Variants in PAPPA observed in about 807,000 individuals in gnomAD.
PAPPA encodes pappalysin 1, also known as pappalysin-1.
PAPPA carries 60 observed loss-of-function variants against 164.0 expected under a neutral mutation model. The observed-to-expected ratio is 0.37, with a 90% confidence interval of 0.30 to 0.45. PAPPA has a LOEUF of 0.45. PAPPA is among the 20% of genes least tolerant of loss of function. PAPPA has a pLI of 1.00. For synonymous variants in PAPPA, 875 were observed against 814.1 expected (o/e 1.07, Z -1.27); for missense variants, 1,782 against 2,087.3 (o/e 0.85, Z 2.85).
intron 5 of PAPPA, among the ~76,000 whole-genome samples, chr9:116,220,970 G>T (rs113024067): frequency 7.6e-5 from 9 of 118,094 alleles, no homozygotes; most frequent in African/African-American, 2.6e-4. Context: ...TTATTTTGTA[G>T]AACTAAAGGT....
intron 17 of PAPPA, among the ~76,000 whole-genome samples, chr9:116,358,258 T>C (rs1316396680): frequency 6.6e-6 from 1 of 152,200 alleles, no homozygotes; most frequent in East Asian, 1.9e-4. Context: ...GTTCTTAAAC[T>C]ACGTCACTTT....
intron 1 of PAPPA, among the ~76,000 whole-genome samples, chr9:116,158,777 G>A (rs1003433928): frequency 1.3e-5 from 2 of 152,164 alleles, no homozygotes; most frequent in Admixed American, 6.5e-5. Context: ...AGCATGTTTT[G>A]CCTTCACAAC....
At chr9:116,241,175 T>C (rs1844730987) in intron 7 of PAPPA, among the ~76,000 whole-genome samples, 1 of 152,224 alleles carries the variant, frequency 6.6e-6, no homozygotes, top group Non-Finnish European at 1.5e-5. Context: ...GAAACTTTAG[T>C]GCATTCATTA....
At chr9:116,377,324 C>G (rs1195391384) in intron 19 of PAPPA, among the ~76,000 whole-genome samples, 1 of 152,182 alleles carries the variant, frequency 6.6e-6, no homozygotes. Context: ...CCCTCCAGTT[C>G]TGCTTCTCCT....
In PAPPA at chr9:116,401,072, A is replaced by T. The variant is rs557454799; in HGVS notation, c.*4456A>T. 1 of 152,762 alleles carries T rather than the reference A, an allele frequency of 6.5e-6. No homozygotes were observed. The highest frequency in any genetic ancestry group is 2.1e-4 in the South Asian group (1 of 4,830). 9.5% of individuals were successfully genotyped at this position (152,762 alleles called of 1,614,324 possible). A position where few individuals can be genotyped will look rare whatever the true frequency, so the allele number is the denominator to read the frequency against. On this transcript the variant is annotated 3_prime_UTR_variant, in exon 22 of 22. Transcript: ENST00000328252. ...GGCCCATCGGCCTTTTAGAAAGACA[A>T]GACAGGGAGTGCTTGTTTGATATTT...
chr9:116,275,139 C>A (rs1284721710), intron 9 of PAPPA, among the ~76,000 whole-genome samples: 1 of 152,176 alleles, frequency 6.6e-6, no homozygotes, highest in African/African-American at 2.4e-5. Flanking sequence ...ATTCTTTGAA[C>A]AAATTTTGCT....
intron 2 of PAPPA, among the ~76,000 whole-genome samples, chr9:116,192,902 C>T (rs1425037362): frequency 2.0e-5 from 3 of 152,164 alleles, no homozygotes; most frequent in African/African-American, 7.2e-5. Flanking sequence ...AAGACTGTAG[C>T]TACCTCACTG....
At chr9:116,389,949 T>C (rs1228078148) in intron 21 of PAPPA, among the ~76,000 whole-genome samples, 1 of 152,102 alleles carries the variant, frequency 6.6e-6, no homozygotes, top group Non-Finnish European at 1.5e-5. Flanking sequence ...AATGTGCTTC[T>C]TGTTTGTTTA....
In PAPPA at chr9:116,271,475, G is replaced by T. The variant is rs529575980; in HGVS notation, c.2953+59G>T. 1.7e-6 allele frequency: 2 copies of T among 1,211,596 alleles called. No homozygotes were observed. The highest frequency in any genetic ancestry group is 2.3e-5 in the East Asian group (1 of 42,986). 75.1% of individuals were successfully genotyped at this position (1,211,596 alleles called of 1,614,324 possible). ...AGAAATGAACGGTGCAGAATGGTTG[G>T]TCAATGATAATGCCAACAATAGTTA... is the stretch of plus-strand genomic sequence containing the variant. On this transcript the variant is annotated intron_variant, in intron 9 of 21. Coordinates refer to ENST00000328252, the MANE Select transcript of PAPPA (RefSeq NM_002581.5). This position sits in a 1 kb window ranked among gnomAD's most constrained non-coding sequence, Gnocchi z 4.2.
At chr9:116,211,403 C>G (rs1418961557) in intron 3 of PAPPA, among the ~76,000 whole-genome samples, 1 of 152,128 alleles carries the variant, frequency 6.6e-6, no homozygotes, top group Non-Finnish European at 1.5e-5. Flanking sequence ...TAAGCATTGG[C>G]GTTTTCATAT....
chr9:116,250,192 A>G lies in PAPPA; in HGVS notation c.2732+14555A>G, dbSNP rs543165480. On this transcript the variant is annotated intron_variant, in intron 7 of 21. Coordinates refer to ENST00000328252, the MANE Select transcript of PAPPA (RefSeq NM_002581.5). ...ATAGAACTAATACCTATAACGTTACAAGGCTCAGGCTTTGTTTTCTACCCA... is the reference window on the plus strand; with the variant it reads ...ATAGAACTAATACCTATAACGTTACGAGGCTCAGGCTTTGTTTTCTACCCA... Among the ~76,000 whole-genome samples, 24 of 152,240 alleles carry G rather than the reference A, an allele frequency of 1.6e-4. No homozygotes were observed. The South Asian group carries it at 4.8e-3, about 30-fold the overall frequency.
chr9:116,186,685 A>T (rs1340468327), intron 1 of PAPPA, among the ~76,000 whole-genome samples: 1 of 151,944 alleles, frequency 6.6e-6, no homozygotes, highest in African/African-American at 2.4e-5. Context: ...GTTCGTTATC[A>T]TCTCCCTCTG....
rs146485850 is a variant in PAPPA at position 116,155,388 on chromosome 9, T to C, written c.415+801T>C. ...AGTGAAATCGGACACTTTGCGAGGA[T>C]TGCAAACCTTAGAAATGCTCCAGCA... is the stretch of plus-strand genomic sequence containing the variant. On this transcript the variant is annotated intron_variant, in intron 1 of 21. Coordinates refer to ENST00000328252, the MANE Select transcript of PAPPA (RefSeq NM_002581.5). 5.3e-3 allele frequency among the ~76,000 whole-genome samples: 800 copies of C among 152,344 alleles called. 10 individuals are homozygous for C. The highest frequency in any genetic ancestry group is 0.018 in the African/African-American group (766 of 41,574).
rs1844310274 is a variant in PAPPA, at chr9:116,211,781, G to A, written c.1767G>A (p.Glu589=). The part of the protein sequence containing the change: ...EIQSCSDPCM[E]TEPSFETGDL... ...AGTCCTGCAGTGACCCCTGCATGGA[G>A]ACAGAGCCCTCCTTCGAGACTGGAG... is the stretch of plus-strand genomic sequence containing the variant. The change falls in exon 4 of 22, where the codon GAG becomes GAA. Residue 589 remains glutamate (E), a synonymous_variant. Transcript: ENST00000328252. The A allele has an allele frequency of 6.2e-7, 1 of 1,614,206 alleles. No homozygotes were observed. The highest frequency in any genetic ancestry group is 8.5e-7 in the Non-Finnish European group (1 of 1,180,028).
chr9:116,278,835 C>G (rs77467512), intron 9 of PAPPA, among the ~76,000 whole-genome samples: 2,237 of 152,246 alleles, frequency 0.015, 54 homozygotes, highest in African/African-American at 0.052. Context: ...ATTATAACAC[C>G]TATAGTTTTG....
At chr9:116,205,283 T>G (rs1032862082) in intron 2 of PAPPA, among the ~76,000 whole-genome samples, 2 of 152,194 alleles carry the variant, frequency 1.3e-5, no homozygotes, top group Non-Finnish European at 2.9e-5. Flanking sequence ...GATTGGCTTC[T>G]GCAATTACCA....
intron 7 of PAPPA, among the ~76,000 whole-genome samples, chr9:116,260,667 C>G (rs1844990814): frequency 6.6e-6 from 1 of 152,108 alleles, no homozygotes; most frequent in African/African-American, 2.4e-5. Flanking sequence ...GGATACAACA[C>G]AACACTCCTC....
At position 116,400,094 on chromosome 9, in the gene PAPPA, G is replaced by GTT. The variant is rs545627033; in HGVS notation, c.*3484_*3485dup. The GTT allele has an allele frequency of 6.6e-6, 1 of 152,190 alleles. No individual in the cohort carries two copies. The highest frequency in any genetic ancestry group is 2.4e-5 in the African/African-American group (1 of 41,310). 9.4% of individuals were successfully genotyped at this position (152,190 alleles called of 1,614,324 possible). A position where few individuals can be genotyped will look rare whatever the true frequency, so the allele number is the denominator to read the frequency against. ...CAAGTTAACAGTTTTGAGGTTTTGT[G>GTT]TTTTTTTCTGGAACTACTTCAAGTG... On this transcript the variant is annotated 3_prime_UTR_variant, in exon 22 of 22. Coordinates refer to ENST00000328252, the MANE Select transcript of PAPPA (RefSeq NM_002581.5).
chr9:116,301,771 CAAGCCCTTAG>C (rs1429370657), intron 9 of PAPPA, among the ~76,000 whole-genome samples: 1 of 152,164 alleles, frequency 6.6e-6, no homozygotes, highest in Non-Finnish European at 1.5e-5. Context: ...GGGTATCCGA[CAAGCCCTTAG>C]AAGCCTATAG....
Sources: gnomAD v4.1 joint callset for allele counts (sites outside exome capture counted in the v4.1 genomes callset) on GRCh38, gnomAD v4.1.1 for gene constraint, Gnocchi (gnomAD v3.1) non-coding constraint, MANE v1.5 for transcripts, NCBI Gene and HGNC (gene_info 2026-07-23, HGNC 2026-07-21) for gene names.